FRMD5: variants seen among roughly 807,000 people sequenced by gnomAD.
The protein encoded by FRMD5 is FERM domain containing 5.
A neutral mutation model predicts 69.0 loss-of-function variants in FRMD5; 20 were observed. The observed-to-expected ratio is 0.29, with a 90% CI of 0.20 to 0.42. The LOEUF (loss-of-function observed/expected upper bound fraction) is 0.42. FRMD5 is among the 10% of genes least tolerant of loss of function. The pLI, the probability that FRMD5 is intolerant of heterozygous loss-of-function variation, is 1.00. For synonymous variants in FRMD5, 271 were observed against 260.1 expected, an observed-to-expected ratio of 1.04 and a Z score of -0.40; for missense variants, 595 against 708.6, an observed-to-expected ratio of 0.84 and a Z score of 1.82.
chr15:43,946,336 A>C (rs7169151), intron 1 of FRMD5, among the ~76,000 whole-genome samples: 2,053 of 152,306 alleles, frequency 0.013, 46 homozygotes, highest in African/African-American at 0.047. Flanking sequence ...ATAAGTTAAT[A>C]GTTTTCTCCT....
intron 1 of FRMD5, among the ~76,000 whole-genome samples, chr15:44,120,963 C>T (rs2015277): frequency 0.17 from 26,095 of 151,882 alleles, 4,892 homozygotes; most frequent in African/African-American, 0.47. Context: ...ACTCAGTCAA[C>T]TTATAAATTT....
chr15:44,092,873 A>T (rs1428546933), intron 1 of FRMD5, among the ~76,000 whole-genome samples: 1 of 151,380 alleles, frequency 6.6e-6, no homozygotes, highest in African/African-American at 2.4e-5. Flanking sequence ...CTGTCCTCGG[A>T]AACTTTTATC....
chr15:43,996,893 T>A (rs991432409), intron 1 of FRMD5, among the ~76,000 whole-genome samples: 3 of 152,080 alleles, frequency 2.0e-5, no homozygotes, highest in African/African-American at 4.8e-5. Context: ...TAAAGTTTGA[T>A]AAACACTGCT....
intron 1 of FRMD5, among the ~76,000 whole-genome samples, chr15:44,010,262 G>A (rs768500025): frequency 6.6e-6 from 1 of 152,124 alleles, no homozygotes; most frequent in Non-Finnish European, 1.5e-5. Flanking sequence ...TTTACACACA[G>A]CAGAAAACCC....
intron 1 of FRMD5, among the ~76,000 whole-genome samples, chr15:43,999,953 C>CATATATATATATATAT (rs34872140): frequency 2.4e-5 from 2 of 82,900 alleles, no homozygotes; most frequent in Non-Finnish European, 4.2e-5. Flanking sequence ...ATATGCCATG[C>CATATATATATATATAT]ATATATATAT....
At position 43,888,270 on chromosome 15, in the gene FRMD5, C is replaced by CA. The variant is rs1408213038; in HGVS notation, c.793-5dup. On this transcript the variant is annotated splice_polypyrimidine_tract_variant and splice_region_variant and intron_variant, in intron 9 of 13. Transcript: ENST00000417257. Reference sequence around the variant, plus strand: ...ATGTAAGAATAATTTTCTTTTCCTGCAAAAAATTCCACATTGATATGGCTG... The same window carrying CA: ...ATGTAAGAATAATTTTCTTTTCCTGCAAAAAAATTCCACATTGATATGGCTG... The CA allele has an allele frequency of 9.4e-6, 15 of 1,600,672 alleles. No individual in the cohort carries two copies. The highest frequency in any genetic ancestry group is 6.7e-5 in the Admixed American group (4 of 59,866).
intron 1 of FRMD5, among the ~76,000 whole-genome samples, chr15:44,011,337 G>C (rs1344690438): frequency 6.6e-6 from 1 of 152,108 alleles, no homozygotes; most frequent in Non-Finnish European, 1.5e-5. Context: ...GAGAGACAGA[G>C]CCAACAGATG....
chr15:43,916,015 G>A (rs188963930), intron 4 of FRMD5, among the ~76,000 whole-genome samples: 4 of 151,232 alleles, frequency 2.6e-5, no homozygotes, highest in African/African-American at 9.9e-5. Context: ...GCCCCAGGGA[G>A]GGGGAGGCAC....
chr15:44,001,957 G>A (rs1890233277), intron 1 of FRMD5, among the ~76,000 whole-genome samples: 1 of 152,124 alleles, frequency 6.6e-6, no homozygotes, highest in Non-Finnish European at 1.5e-5. Flanking sequence ...CTGGCCTCAA[G>A]TGATCCACCT....
At chr15:43,917,412 A>G (rs1440213321) in intron 4 of FRMD5, among the ~76,000 whole-genome samples, 1 of 152,036 alleles carries the variant, frequency 6.6e-6, no homozygotes, top group Non-Finnish European at 1.5e-5. Flanking sequence ...TTTTTTTGAG[A>G]CAGAGTCTCA....
chr15:44,069,576 G>T (rs960585617), intron 1 of FRMD5, among the ~76,000 whole-genome samples: 8 of 152,086 alleles, frequency 5.3e-5, no homozygotes, highest in Non-Finnish European at 8.8e-5. Flanking sequence ...GTTATAAATG[G>T]TATGATTCAA....
At chr15:43,929,281 G>A (rs2089635649) in intron 1 of FRMD5, among the ~76,000 whole-genome samples, 1 of 152,146 alleles carries the variant, frequency 6.6e-6, no homozygotes, top group Non-Finnish European at 1.5e-5. Flanking sequence ...TGCATTTTCT[G>A]TCTCATCATC....
At chr15:44,194,852 G>A in intron 1 of FRMD5, 101 bp downstream of exon 1, 1 of 978,568 alleles carries the variant, frequency 1.0e-6, no homozygotes, top group South Asian at 1.4e-5. Context: ...CACGGCGCTG[G>A]GGCTGGGGCG....
At chr15:43,934,201 T>C (rs1448619924) in intron 1 of FRMD5, among the ~76,000 whole-genome samples, 1 of 152,246 alleles carries the variant, frequency 6.6e-6, no homozygotes, top group Non-Finnish European at 1.5e-5. Flanking sequence ...TGTAGTTCCA[T>C]GCCAAGGAGG....
At chr15:43,990,089 G>A in intron 1 of FRMD5, 1 of 682,382 alleles carries the variant, frequency 1.5e-6, no homozygotes, top group Non-Finnish European at 2.8e-6. Context: ...ACAATGAAGG[G>A]GAAGATGGCC....
chr15:43,939,178 A>T (rs2089818605), intron 1 of FRMD5, among the ~76,000 whole-genome samples: 1 of 151,898 alleles, frequency 6.6e-6, no homozygotes, highest in Non-Finnish European at 1.5e-5. Flanking sequence ...CAGCCAATAG[A>T]TTTATTTTTT....
chr15:43,954,604 C>T (rs1189626109), intron 1 of FRMD5, among the ~76,000 whole-genome samples: 2 of 152,182 alleles, frequency 1.3e-5, no homozygotes, highest in Non-Finnish European at 2.9e-5. Flanking sequence ...TCCTGGTTTG[C>T]CATATCTGAA....
At chr15:43,878,522 T>C (rs970822804) in intron 13 of FRMD5, among the ~76,000 whole-genome samples, 1 of 152,252 alleles carries the variant, frequency 6.6e-6, no homozygotes, top group Admixed American at 6.5e-5. Flanking sequence ...TCTTCCACAG[T>C]ATTCCTCCCT....
At position 43,882,358 on chromosome 15, in the gene FRMD5, ATTTC is replaced by A. The variant is rs530934523; in HGVS notation, c.1135+1341_1135+1344del. 2.6e-3 allele frequency among the ~76,000 whole-genome samples: 401 copies of A among 151,550 alleles called. 2 individuals carry two copies. Among genetic ancestry groups the A allele is most frequent in the African/African-American group, 8.7e-3 (357 of 41,092 alleles). ...AGATATGCAGATAGCAACAGGACAA[ATTTC>A]TTTCTTTTTTTTTTGAGATGGAGTC... On this transcript the variant is annotated intron_variant, in intron 13 of 13. Coordinates refer to ENST00000417257, the MANE Select transcript of FRMD5 (RefSeq NM_032892.5).
Sources: gnomAD v4.1 joint callset for allele counts (sites outside exome capture counted in the v4.1 genomes callset) on GRCh38, gnomAD v4.1.1 for gene constraint, MANE v1.5 for transcripts, NCBI Gene and HGNC (gene_info 2026-07-23, HGNC 2026-07-21) for gene names.